Variants in CSMD1 observed in about 807,000 individuals in gnomAD.
The protein encoded by CSMD1 is CUB and sushi domain-containing protein 1.
CSMD1 carries 213 observed loss-of-function variants against 417.5 expected under a neutral mutation model. The ratio of observed to expected loss-of-function variants is 0.51; its 90% CI spans 0.46 to 0.57. CSMD1 has a LOEUF of 0.57. Ranked by LOEUF, CSMD1 falls within the 20% of genes least tolerant of loss-of-function variation. The pLI, the probability that CSMD1 is intolerant of heterozygous loss-of-function variation, is 0.00. For missense variants in CSMD1, 6,923 were observed against 4,529.7 expected, an observed-to-expected ratio of 1.53 and a Z score of -15.17; for synonymous variants, 2,862 against 1,736.8, an observed-to-expected ratio of 1.65 and a Z score of -16.11.
At chr8:3,164,670 T>C (rs1205448151) in intron 37 of CSMD1, among the ~76,000 whole-genome samples, 1 of 152,168 alleles carries the variant, frequency 6.6e-6, no homozygotes, top group Non-Finnish European at 1.5e-5. Flanking sequence ...ACTAAAAATC[T>C]ACTTTAGGGT....
At chr8:3,747,816 G>A (rs1353008756) in intron 6 of CSMD1, among the ~76,000 whole-genome samples, 2 of 152,072 alleles carry the variant, frequency 1.3e-5, no homozygotes, top group African/African-American at 4.8e-5. Context: ...TGTTCTTTAT[G>A]TTTTAAAATG....
intron 4 of CSMD1, among the ~76,000 whole-genome samples, chr8:4,007,076 G>A (rs756764117): frequency 1.3e-5 from 2 of 151,986 alleles, no homozygotes; most frequent in African/African-American, 2.4e-5. Context: ...CTCACTTCGT[G>A]ATCCAGCCAC....
At chr8:4,824,393 T>C (rs1799694145) in intron 1 of CSMD1, among the ~76,000 whole-genome samples, 1 of 152,070 alleles carries the variant, frequency 6.6e-6, no homozygotes, top group South Asian at 2.1e-4. Flanking sequence ...TGAAAAGTGA[T>C]TAAGTCCCTG....
chr8:3,222,674 A>T (rs1798286031), intron 28 of CSMD1, among the ~76,000 whole-genome samples: 1 of 152,182 alleles, frequency 6.6e-6, no homozygotes, highest in Admixed American at 6.5e-5. Flanking sequence ...GGAAGACGCT[A>T]CTAGAATTTA....
chr8:3,256,974 A>T (rs980984739), intron 26 of CSMD1, among the ~76,000 whole-genome samples: 2 of 152,248 alleles, frequency 1.3e-5, no homozygotes, highest in Non-Finnish European at 2.9e-5. Context: ...GAGAAAATAA[A>T]ATATTTGTAA....
At chr8:4,207,320 G>A (rs73658481) in intron 3 of CSMD1, among the ~76,000 whole-genome samples, 2,453 of 152,168 alleles carry the variant, frequency 0.016, 88 homozygotes, top group African/African-American at 0.056. Context: ...ACTTTTAGTG[G>A]CTAGGACTCG....
At position 4,287,785 on chromosome 8, in the gene CSMD1, T is replaced by A. The variant is rs138941847; in HGVS notation, c.415+132168A>T. On this transcript the variant is annotated intron_variant, in intron 3 of 69. Transcript: ENST00000635120. ...ACCCGGTCGGTTGAGCGAGTTGGAC[T>A]CATACTATCTCTCCTCCAACCTCTC... Among the ~76,000 whole-genome samples, 418 of 152,052 alleles carry A rather than the reference T, an allele frequency of 2.7e-3. 1 individual carries two copies. The highest frequency in any genetic ancestry group is 9.8e-3 in the African/African-American group (405 of 41,510).
chr8:3,993,948 G>A (rs1170307524), intron 5 of CSMD1, among the ~76,000 whole-genome samples: 1 of 152,126 alleles, frequency 6.6e-6, no homozygotes, highest in African/African-American at 2.4e-5. Context: ...GGATGAAAAC[G>A]CCCAGTAACA....
intron 3 of CSMD1, among the ~76,000 whole-genome samples, chr8:4,093,965 A>AATAGATAAATAG (rs1554445799): frequency 7.3e-6 from 1 of 136,864 alleles, no homozygotes; most frequent in East Asian, 2.6e-4. Context: ...CTACATCTCA[A>AATAGATAAATAG]ATAGATAGAT....
intron 38 of CSMD1, among the ~76,000 whole-genome samples, chr8:3,161,624 G>GAGA (rs1819898983): frequency 1.7e-5 from 1 of 58,280 alleles, no homozygotes; most frequent in Non-Finnish European, 3.7e-5. Flanking sequence ...CTCCCTCTCA[G>GAGA]AAAAAAAAAA....
intron 1 of CSMD1, among the ~76,000 whole-genome samples, chr8:4,643,297 G>C (rs1803320972): frequency 6.6e-6 from 1 of 152,122 alleles, no homozygotes; most frequent in African/African-American, 2.4e-5. Flanking sequence ...CATCTATTTT[G>C]TGAAAATGAC....
rs139747188 is a variant in CSMD1 at position 3,071,757 on chromosome 8, A to C, written c.7474+15340T>G. 1.1e-3 allele frequency among the ~76,000 whole-genome samples: 161 copies of C among 152,338 alleles called. 1 individual carries two copies. Among genetic ancestry groups the C allele is most frequent in the African/African-American group, 3.2e-3 (134 of 41,590 alleles). On this transcript the variant is annotated intron_variant, in intron 49 of 69. Coordinates refer to ENST00000635120, the MANE Select transcript of CSMD1 (RefSeq NM_033225.6). Reference sequence around the variant, plus strand: ...TTCACCTGACATCAAAACAGCCTAAATGCAGACAGTCCATCTGAACTCTAC... The same window carrying C: ...TTCACCTGACATCAAAACAGCCTAACTGCAGACAGTCCATCTGAACTCTAC...
At chr8:3,357,486 T>C (rs1808870064) in intron 21 of CSMD1, among the ~76,000 whole-genome samples, 1 of 152,220 alleles carries the variant, frequency 6.6e-6, no homozygotes, top group Admixed American at 6.5e-5. Context: ...AAATAGTACC[T>C]ATTCTTCCAA....
chr8:4,033,317 C>T (rs891294339), intron 3 of CSMD1, among the ~76,000 whole-genome samples: 2 of 151,976 alleles, frequency 1.3e-5, no homozygotes, highest in Non-Finnish European at 2.9e-5. Flanking sequence ...TGGCGGGCAC[C>T]TGTAGTCCCA....
At chr8:4,653,963 G>A (rs1238907633) in intron 1 of CSMD1, among the ~76,000 whole-genome samples, 1 of 151,938 alleles carries the variant, frequency 6.6e-6, no homozygotes, top group Non-Finnish European at 1.5e-5. Context: ...GGATTGGATT[G>A]GTTTCATTTA....
At chr8:4,486,284 C>T (rs17343513) in intron 2 of CSMD1, among the ~76,000 whole-genome samples, 11,658 of 141,538 alleles carry the variant, frequency 0.082, 643 homozygotes, top group Non-Finnish European at 0.097. Context: ...TATACGCACA[C>T]GCAAACATAG....
Position 3,394,012 on chromosome 8 carries a change from TTATATATATATATATA to T in CSMD1, c.2593+2166_2593+2181del, listed in dbSNP as rs1175905929. 1.0e-3 allele frequency among the ~76,000 whole-genome samples: 32 copies of T among 31,632 alleles called. 1 individual carries two copies. The highest frequency in any genetic ancestry group is 2.3e-3 in the African/African-American group (19 of 8,272). The allele number at this position is 31,632 out of a possible 152,430, so 20.8% of individuals were successfully genotyped here. Reference sequence around the variant, plus strand: ...ATAATAATAATAATAAAAAAATAAATTATATATATATATATATATATATATATATATATATATATAT... The same window carrying T: ...ATAATAATAATAATAAAAAAATAAATTATATATATATATATATATATATAT... On this transcript the variant is annotated intron_variant, in intron 17 of 69. Coordinates refer to ENST00000635120, the MANE Select transcript of CSMD1 (RefSeq NM_033225.6).
chr8:3,416,674 C>CA (rs1388781334), intron 12 of CSMD1, among the ~76,000 whole-genome samples: 4 of 152,178 alleles, frequency 2.6e-5, no homozygotes, highest in Non-Finnish European at 5.9e-5. Context: ...GCTGTGGCCA[C>CA]ATCCCCTGCT....
At chr8:4,732,384 G>GTGTGC (rs1563244645) in intron 1 of CSMD1, among the ~76,000 whole-genome samples, 1 of 45,274 alleles carries the variant, frequency 2.2e-5, no homozygotes, top group Non-Finnish European at 4.8e-5. Flanking sequence ...TGTGTGTGTA[G>GTGTGC]TGTTTTTCCC....
Sources: gnomAD v4.1 joint callset for allele counts (sites outside exome capture counted in the v4.1 genomes callset) on GRCh38, gnomAD v4.1.1 for gene constraint, MANE v1.5 for transcripts, NCBI Gene and HGNC (gene_info 2026-07-23, HGNC 2026-07-21) for gene names.